The following FLI1 variants were observed in gnomAD, a reference collection of about 807,000 sequenced individuals.
The protein encoded by FLI1 is Friend leukemia integration 1 transcription factor.
In FLI1, 13 loss-of-function variants were observed where a neutral mutation model predicts 53.1. The observed-to-expected ratio is 0.24, with a 90% CI of 0.16 to 0.39. The LOEUF (loss-of-function observed/expected upper bound fraction) is 0.39. Among genes scored for constraint, FLI1 ranks in the 10% least tolerant of loss-of-function variants. The pLI, the probability that FLI1 is intolerant of heterozygous loss-of-function variation, is 1.00. For missense variants in FLI1, 424 were observed against 600.5 expected, an observed-to-expected ratio of 0.71 and a Z score of 3.07; for synonymous variants, 244 against 236.7, an observed-to-expected ratio of 1.03 and a Z score of -0.28.
At chr11:128,693,965 AGAG>A, upstream of FLI1, 1 of 329,224 alleles carries the variant, frequency 3.0e-6, no homozygotes, top group Non-Finnish European at 5.6e-6. Context: ...AGAGAGAGAG[AGAG>A]AGAGAGAGAG....
chr11:128,713,503 G>A (rs1261834492), intron 1 of FLI1, among the ~76,000 whole-genome samples: 5 of 152,078 alleles, frequency 3.3e-5, no homozygotes, highest in African/African-American at 1.2e-4. Context: ...CAAGTCCTCA[G>A]TGCCTGACAC....
chr11:128,811,209 G>A lies in FLI1; in HGVS notation c.*221G>A, dbSNP rs995958415. On this transcript the variant is annotated 3_prime_UTR_variant, in exon 9 of 9. Transcript: ENST00000527786. The stretch of plus-strand genomic sequence containing the variant: ...AAGAGATGAATAATTCCATGGGCCA[G>A]TATGCCAGTTTGAATTCTCAGTCTC... 1.8e-6 allele frequency: 1 copy of A among 566,228 alleles called. No individual in the cohort carries two copies. The highest frequency in any genetic ancestry group is 1.9e-5 in the African/African-American group (1 of 53,250). 35.1% of individuals were successfully genotyped at this position (566,228 alleles called of 1,614,324 possible). A position where few individuals can be genotyped will look rare whatever the true frequency, so the allele number is the denominator to read the frequency against.
intron 5 of FLI1, among the ~76,000 whole-genome samples, chr11:128,783,654 A>G (rs1430040644): frequency 6.6e-6 from 1 of 152,216 alleles, no homozygotes; most frequent in Non-Finnish European, 1.5e-5. Context: ...ATTGAAGGTC[A>G]GGGCACCTTT....
rs376315584 is a variant in FLI1, at chr11:128,807,157, C to T, written c.722-23C>T. The T allele has an allele frequency of 2.5e-6, 4 of 1,571,332 alleles. No individual in the cohort carries two copies. In the African/African-American group the frequency reaches 4.1e-5, roughly 16 times the overall value. ...TCGGGGAGCTGGGTCCTACTCACTG[C>T]ATTTCTTTCCCTCTTGCCACAGGTC... On this transcript the variant is annotated intron_variant, in intron 6 of 8. Coordinates refer to ENST00000527786, the MANE Select transcript of FLI1 (RefSeq NM_002017.5).
At chr11:128,706,656 G>A (rs1454092239) in intron 1 of FLI1, among the ~76,000 whole-genome samples, 1 of 152,162 alleles carries the variant, frequency 6.6e-6, no homozygotes, top group African/African-American at 2.4e-5. Flanking sequence ...GTGTTTTCTG[G>A]AGCAAAGATA....
At chr11:128,707,263 G>A (rs756568712) in intron 1 of FLI1, among the ~76,000 whole-genome samples, 10 of 152,224 alleles carry the variant, frequency 6.6e-5, no homozygotes, top group Admixed American at 1.3e-4. Context: ...AACTTCCCCC[G>A]CCCTGATAAC....
chr11:128,749,019 G>A (rs548279498), intron 1 of FLI1, among the ~76,000 whole-genome samples: 2 of 152,094 alleles, frequency 1.3e-5, no homozygotes, highest in Non-Finnish European at 2.9e-5. Flanking sequence ...TGTTTTTGTC[G>A]TTTGGAGATA....
At chr11:128,726,306 A>G (rs1591757084) in intron 1 of FLI1, among the ~76,000 whole-genome samples, 1 of 151,750 alleles carries the variant, frequency 6.6e-6, no homozygotes, top group Non-Finnish European at 1.5e-5. Flanking sequence ...ACCCAGCCCC[A>G]GACTCCTACT....
At chr11:128,690,731 C>T (rs2155132), upstream of FLI1, among the ~76,000 whole-genome samples, 51,294 of 152,118 alleles carry the variant, frequency 0.34, 9,851 homozygotes, top group African/African-American at 0.52. Flanking sequence ...GACTTGGAAA[C>T]ATGTGGTGGG....
intron 7 of FLI1, among the ~76,000 whole-genome samples, chr11:128,808,236 T>G (rs889726234): frequency 1.3e-5 from 2 of 152,210 alleles, no homozygotes; most frequent in Non-Finnish European, 2.9e-5. Context: ...TAAGGACTTT[T>G]GAAGGTAATT....
intron 3 of FLI1, among the ~76,000 whole-genome samples, chr11:128,769,051 T>C (rs1472494310): frequency 6.6e-6 from 1 of 152,248 alleles, no homozygotes; most frequent in East Asian, 1.9e-4. Flanking sequence ...GAAAGAACTA[T>C]ATTTAACTAA....
In FLI1 at chr11:128,807,171, T is replaced by C; in HGVS notation, c.722-9T>C. Reference sequence around the variant, plus strand: ...CCTACTCACTGCATTTCTTTCCCTCTTGCCACAGGTCCTCCCCTTGGAGGG... The same window carrying C: ...CCTACTCACTGCATTTCTTTCCCTCCTGCCACAGGTCCTCCCCTTGGAGGG... On this transcript the variant is annotated splice_polypyrimidine_tract_variant and intron_variant, in intron 6 of 8. Coordinates refer to ENST00000527786, the MANE Select transcript of FLI1 (RefSeq NM_002017.5). 6.3e-7 allele frequency: 1 copy of C among 1,581,764 alleles called. No individual in the cohort carries two copies. The highest frequency in any genetic ancestry group is 8.6e-7 in the Non-Finnish European group (1 of 1,163,678).
intron 1 of FLI1, among the ~76,000 whole-genome samples, chr11:128,728,140 T>C (rs1180422306): frequency 1.3e-5 from 2 of 152,220 alleles, no homozygotes; most frequent in East Asian, 1.9e-4. Flanking sequence ...CCAAATGCCA[T>C]GGAGTCTGAT....
intron 1 of FLI1, among the ~76,000 whole-genome samples, chr11:128,697,327 G>A (rs1938123143): frequency 6.6e-6 from 1 of 152,208 alleles, no homozygotes; most frequent in Non-Finnish European, 1.5e-5. Context: ...GGTGAATGAA[G>A]GTGGGAAATA....
intron 4 of FLI1, among the ~76,000 whole-genome samples, chr11:128,778,750 G>T (rs1484324988): frequency 6.6e-6 from 1 of 152,228 alleles, no homozygotes; most frequent in Non-Finnish European, 1.5e-5. Context: ...GAAGGTGGGG[G>T]AGCTCAGCAG....
chr11:128,715,178 T>A (rs1431836507), intron 1 of FLI1, among the ~76,000 whole-genome samples: 1 of 152,186 alleles, frequency 6.6e-6, no homozygotes, highest in Non-Finnish European at 1.5e-5. Flanking sequence ...ACTGCATATG[T>A]GAAATATTTT....
intron 1 of FLI1, among the ~76,000 whole-genome samples, chr11:128,745,699 C>T (rs1940353171): frequency 6.6e-6 from 1 of 152,226 alleles, no homozygotes; most frequent in Non-Finnish European, 1.5e-5. Flanking sequence ...CGAGTTGAAG[C>T]GGCATTCTTT....
chr11:128,806,285 T>A (rs1162791342), intron 6 of FLI1: 2 of 151,946 alleles, frequency 1.3e-5, no homozygotes, highest in African/African-American at 2.4e-5. Context: ...GAGAGAGAAA[T>A]CAAGCACACA....
At chr11:128,698,535 G>A (rs1447871451) in intron 1 of FLI1, among the ~76,000 whole-genome samples, 1 of 152,152 alleles carries the variant, frequency 6.6e-6, no homozygotes, top group African/African-American at 2.4e-5. Context: ...TGAGGTCTAG[G>A]TTGTTAAATG....
Sources: gnomAD v4.1 joint callset for allele counts (sites outside exome capture counted in the v4.1 genomes callset) on GRCh38, gnomAD v4.1.1 for gene constraint, MANE v1.5 for transcripts, NCBI Gene and HGNC (gene_info 2026-07-23, HGNC 2026-07-21) for gene names.